CASTOR2: variants seen among roughly 807,000 people sequenced by gnomAD.
CASTOR2 encodes the protein GATS protein like 2.
A neutral mutation model predicts 31.2 loss-of-function variants in CASTOR2; 8 were observed. The observed-to-expected ratio is 0.26, with a 90% CI of 0.15 to 0.46. The LOEUF (loss-of-function observed/expected upper bound fraction) is 0.46. Among genes scored for constraint, CASTOR2 ranks in the 20% least tolerant of loss-of-function variants. The pLI, the probability that CASTOR2 is intolerant of heterozygous loss-of-function variation, is 0.99. For missense variants in CASTOR2, 216 were observed against 382.1 expected (o/e 0.57, Z 3.62); for synonymous variants, 162 against 158.7 (o/e 1.02, Z -0.16).
intron 2 of CASTOR2, among the ~76,000 whole-genome samples, chr7:75,016,898 G>A (rs1230519843): frequency 1.3e-5 from 2 of 152,234 alleles, no homozygotes; most frequent in African/African-American, 2.4e-5. Context: ...TGGGCGCAGT[G>A]GCTCACGCCT....
intron 6 of CASTOR2, 29 bp from the exon 7 acceptor site, chr7:75,021,845 C>T (rs1220994428): frequency 1.4e-5 from 22 of 1,551,296 alleles, no homozygotes; most frequent in East Asian, 4.9e-5. Flanking sequence ...ACATCAGCCT[C>T]GGGGATTCTT....
intron 2 of CASTOR2, among the ~76,000 whole-genome samples, chr7:75,009,850 C>T (rs1339770227): frequency 2.0e-5 from 3 of 151,518 alleles, no homozygotes; most frequent in African/African-American, 7.3e-5. Context: ...AGCACCCCTC[C>T]CTTCATGGTT....
intron 1 of CASTOR2, among the ~76,000 whole-genome samples, chr7:74,991,116 C>G (rs1392558788): frequency 6.6e-6 from 1 of 151,860 alleles, no homozygotes; most frequent in Non-Finnish European, 1.5e-5. Flanking sequence ...TGCCCTCGCA[C>G]CTAACCACGA....
chr7:75,018,051 G>T lies in CASTOR2; in HGVS notation c.440G>T (p.Arg147Leu). ...HTLSSEFTILRVVNGETVAAE... is the reference protein window; with the variant it reads ...HTLSSEFTILLVVNGETVAAE... ...TTGTCATCAGAGTTCACCATCCTGC[G>T]GGTCGTCAATGGCGAGACCGTGGCA... The change falls in exon 4 of 9, where the codon CGG (arginine) becomes CTG (leucine). Residue 147 changes from arginine to leucine, a missense_variant. This residue lies in a region of CASTOR2 where 114 missense variants were observed against 194.2 expected (regional missense o/e 0.59). Transcript: ENST00000616305. The T allele has an allele frequency of 6.2e-7, 1 of 1,614,174 alleles. No individual in the cohort carries two copies. The highest frequency in any genetic ancestry group is 8.5e-7 in the Non-Finnish European group (1 of 1,180,026).
chr7:74,993,801 A>T (rs1441254270), intron 1 of CASTOR2, among the ~76,000 whole-genome samples: 2 of 2,094 alleles, frequency 9.6e-4, no homozygotes, highest in Non-Finnish European at 1.5e-3. Context: ...GCCACAGATT[A>T]AAAAAAAAAA....
intron 1 of CASTOR2, among the ~76,000 whole-genome samples, chr7:75,000,987 C>T (rs1804481312): frequency 6.6e-6 from 1 of 152,182 alleles, no homozygotes; most frequent in African/African-American, 2.4e-5. Context: ...TTCCAAAGGT[C>T]CTGGCTTGTT....
Position 75,029,559 on chromosome 7 carries a change from T to G in CASTOR2, c.*4860T>G, listed in dbSNP as rs1471661841. 1.3e-5 allele frequency among the ~76,000 whole-genome samples: 2 copies of G among 151,912 alleles called. No homozygotes were observed. Among genetic ancestry groups the G allele is most frequent in the African/African-American group, 4.8e-5 (2 of 41,442 alleles). ...GGGTTTCACTATGTTGGCCAGGCTG[T>G]TCTTGAACTCCTGACCTCAGGTGAT... On this transcript the variant is annotated 3_prime_UTR_variant, in exon 9 of 9. Transcript: ENST00000616305.
At chr7:75,022,393 T>C (rs1584478704) in intron 7 of CASTOR2, among the ~76,000 whole-genome samples, 2 of 152,064 alleles carry the variant, frequency 1.3e-5, no homozygotes, top group East Asian at 3.9e-4. Flanking sequence ...TAATCCCAGC[T>C]ACTCAGGAGG....
chr7:74,995,832 A>C (rs1300058573), intron 1 of CASTOR2, among the ~76,000 whole-genome samples: 4 of 151,060 alleles, frequency 2.6e-5, no homozygotes, highest in Non-Finnish European at 5.9e-5. Context: ...AAAATTAGCC[A>C]GGCATGGTGG....
chr7:75,028,196 C>T lies in CASTOR2; in HGVS notation c.*3497C>T, dbSNP rs1179250687. On this transcript the variant is annotated 3_prime_UTR_variant, in exon 9 of 9. Coordinates refer to ENST00000616305, the MANE Select transcript of CASTOR2 (RefSeq NM_001145064.3). Reference sequence around the variant, plus strand: ...GCTGTGGCATGATCTCAGCTCACTGCAGCAACCTCCACTTCCTGGGTTCAA... The same window carrying T: ...GCTGTGGCATGATCTCAGCTCACTGTAGCAACCTCCACTTCCTGGGTTCAA... The T allele has an allele frequency of 4.3e-5, 40 of 934,466 alleles. No homozygotes were observed. Among genetic ancestry groups the T allele is most frequent in the Non-Finnish European group, 5.9e-5 (38 of 646,990 alleles). 57.9% of individuals were successfully genotyped at this position (934,466 alleles called of 1,614,324 possible).
rs1265999014 is a variant in CASTOR2, at chr7:74,990,521, C to T, written c.114-17473C>T. 4.6e-5 allele frequency among the ~76,000 whole-genome samples: 7 copies of T among 151,208 alleles called. No individual in the cohort carries two copies. In the East Asian group the frequency reaches 1.4e-3, roughly 30 times the overall value. ...ATCTCTTGAGCCAGGAGTTCAGGACCAGCTTGTGCAACATAGTGAGACCCT... is the reference window on the plus strand; with the variant it reads ...ATCTCTTGAGCCAGGAGTTCAGGACTAGCTTGTGCAACATAGTGAGACCCT... On this transcript the variant is annotated intron_variant, in intron 1 of 8. Coordinates refer to ENST00000616305, the MANE Select transcript of CASTOR2 (RefSeq NM_001145064.3).
intron 1 of CASTOR2, among the ~76,000 whole-genome samples, chr7:74,974,372 G>A (rs1554435393): frequency 2.0e-5 from 3 of 150,096 alleles, no homozygotes. Flanking sequence ...TCCCGTGGGA[G>A]GAAAAGACGT....
chr7:75,008,054 A>C lies in CASTOR2; in HGVS notation c.174A>C (p.Glu58Asp), dbSNP rs1804643813. 4.3e-6 allele frequency: 7 copies of C among 1,613,740 alleles called. No individual in the cohort carries two copies. The highest frequency in any genetic ancestry group is 5.1e-6 in the Non-Finnish European group (6 of 1,179,832). ...ATTACACTATCATTGTCGATGAGGA[A>C]GGATTCCTAGGTAAGTGCTTCTCTC... Reference protein sequence around the residue: ...PEDYTIIVDEEGFLELPSSEH... With the variant: ...PEDYTIIVDEDGFLELPSSEH... Residue 58 changes from glutamate to aspartate, a missense_variant, in exon 2 of 9, where the codon GAA (glutamate) becomes GAC (aspartate). By Grantham distance (45) the Glu-to-Asp change is conservative. Around this residue, in one of 5 missense-constraint regions of CASTOR2, gnomAD observed 114 missense variants for 194.2 expected, o/e 0.59. Coordinates refer to ENST00000616305, the MANE Select transcript of CASTOR2 (RefSeq NM_001145064.3).
chr7:75,007,679 C>T (rs1804636634), intron 1 of CASTOR2, among the ~76,000 whole-genome samples: 3 of 152,110 alleles, frequency 2.0e-5, no homozygotes, highest in Non-Finnish European at 4.4e-5. Context: ...ACCCTTCGGC[C>T]ACTTCTTCCC....
chr7:75,007,592 A>G (rs1218398891), intron 1 of CASTOR2, among the ~76,000 whole-genome samples: 5 of 151,838 alleles, frequency 3.3e-5, no homozygotes, highest in Non-Finnish European at 7.4e-5. Context: ...GGGAGGGGAG[A>G]TGGGAACAGA....
chr7:74,971,159 C>G (rs1285988651), intron 1 of CASTOR2, among the ~76,000 whole-genome samples: 1 of 141,398 alleles, frequency 7.1e-6, no homozygotes, highest in East Asian at 2.1e-4. Flanking sequence ...CCATGCCCGG[C>G]TAATTTTGTA....
chr7:75,015,447 A>T (rs1429927245), intron 2 of CASTOR2, among the ~76,000 whole-genome samples: 2 of 151,288 alleles, frequency 1.3e-5, no homozygotes, highest in Admixed American at 6.6e-5. Flanking sequence ...TTTATTTTTT[A>T]TTTTTATTTT....
Position 75,029,690 on chromosome 7 carries a change from G to C in CASTOR2, c.*4991G>C, listed in dbSNP as rs1805247414. Among the ~76,000 whole-genome samples, 2 of 152,182 alleles carry C rather than the reference G, an allele frequency of 1.3e-5. No individual in the cohort carries two copies. The highest frequency in any genetic ancestry group is 4.8e-5 in the African/African-American group (2 of 41,458). The stretch of plus-strand genomic sequence containing the variant: ...TCCTGAGTGAAGCGCTTTGCATGGG[G>C]ATGGGAAGAAGCACCCCCAACCTTC... On this transcript the variant is annotated 3_prime_UTR_variant, in exon 9 of 9. Coordinates refer to ENST00000616305, the MANE Select transcript of CASTOR2 (RefSeq NM_001145064.3).
At chr7:74,989,526 A>G (rs1410202304) in intron 1 of CASTOR2, among the ~76,000 whole-genome samples, 5 of 151,076 alleles carry the variant, frequency 3.3e-5, no homozygotes, top group South Asian at 2.1e-4. Flanking sequence ...GGCTCGAGCA[A>G]TCCTCCCAAC....
Sources: allele counts gnomAD v4.1 joint callset (sites outside exome capture counted in the v4.1 genomes callset), GRCh38; gene constraint gnomAD v4.1.1; regional missense constraint gnomAD v4.1.1; transcripts MANE v1.5; gene names NCBI Gene and HGNC (gene_info 2026-07-23, HGNC 2026-07-21).